Variants in GRM8 observed in about 807,000 individuals in gnomAD.
The protein encoded by GRM8 is metabotropic glutamate receptor 8.
Under a neutral mutation model 87.2 loss-of-function variants are expected in GRM8, and 47 were observed. The ratio of observed to expected loss-of-function variants is 0.54; its 90% confidence interval spans 0.43 to 0.69. The LOEUF is 0.69. GRM8 is among the 30% of genes least tolerant of loss of function. The pLI is 0.00. For synonymous variants in GRM8, 396 were observed against 404.5 expected (o/e 0.98, Z 0.25); for missense variants, 1,019 against 1,139.2 (o/e 0.89, Z 1.52).
chr7:126,797,462 T>C (rs1822085453), intron 6 of GRM8, among the ~76,000 whole-genome samples: 1 of 152,156 alleles, frequency 6.6e-6, no homozygotes, highest in Admixed American at 6.5e-5. Flanking sequence ...AACTCTATTT[T>C]TTTTAAAAAA....
chr7:127,106,813 C>T (rs889425360), intron 2 of GRM8, 101 bp from the exon 3 acceptor site: 5 of 813,306 alleles, frequency 6.1e-6, no homozygotes, highest in African/African-American at 5.1e-5. Context: ...GAAACCTAGA[C>T]ATATCAACCT....
chr7:126,786,098 T>C (rs1250277580), intron 6 of GRM8, among the ~76,000 whole-genome samples: 1 of 152,132 alleles, frequency 6.6e-6, no homozygotes, highest in Non-Finnish European at 1.5e-5. Flanking sequence ...ACAACCTCTT[T>C]TGCTTTCACT....
intron 2 of GRM8, among the ~76,000 whole-genome samples, chr7:127,193,657 G>A (rs775049782): frequency 8.5e-5 from 13 of 152,102 alleles, no homozygotes; most frequent in East Asian, 1.9e-4. Context: ...GGTCAAGAAC[G>A]GTAGCTATGG....
At chr7:127,102,322 C>T (rs1205909432) in intron 3 of GRM8, among the ~76,000 whole-genome samples, 1 of 152,232 alleles carries the variant, frequency 6.6e-6, no homozygotes, top group Admixed American at 6.5e-5. Flanking sequence ...GGCTGTGGAG[C>T]AACCACTTGC....
At chr7:126,824,493 G>T (rs1794587090) in intron 6 of GRM8, among the ~76,000 whole-genome samples, 1 of 152,198 alleles carries the variant, frequency 6.6e-6, no homozygotes, top group South Asian at 2.1e-4. Context: ...TTGACTGGGG[G>T]AAGGGAGCCT....
chr7:126,854,523 T>C (rs1337286192), intron 6 of GRM8, among the ~76,000 whole-genome samples: 3 of 152,192 alleles, frequency 2.0e-5, no homozygotes, highest in African/African-American at 4.8e-5. Flanking sequence ...ACGCAAAATC[T>C]TACATTTCTC....
chr7:127,200,226 T>A (rs1045025043), intron 2 of GRM8, among the ~76,000 whole-genome samples: 1 of 152,180 alleles, frequency 6.6e-6, no homozygotes, highest in Non-Finnish European at 1.5e-5. Flanking sequence ...GATTGACTAA[T>A]TGGACACTCA....
At chr7:126,930,471 C>T (rs1805650306) in intron 3 of GRM8, among the ~76,000 whole-genome samples, 1 of 152,162 alleles carries the variant, frequency 6.6e-6, no homozygotes, top group Non-Finnish European at 1.5e-5. Context: ...GCCGAGTCCT[C>T]CTTCTGACTG....
intron 3 of GRM8, among the ~76,000 whole-genome samples, chr7:126,975,692 T>G (rs1425255912): frequency 6.6e-6 from 1 of 152,166 alleles, no homozygotes; most frequent in Non-Finnish European, 1.5e-5. Context: ...ACAGTTTTAT[T>G]TGGGAGCTCA....
At chr7:126,484,572 C>G (rs73722626) in intron 9 of GRM8, among the ~76,000 whole-genome samples, 2 of 152,008 alleles carry the variant, frequency 1.3e-5, no homozygotes, top group Non-Finnish European at 2.9e-5. Context: ...GTAACTACTA[C>G]TTAAATTACT....
chr7:126,561,271 G>T (rs1474445619), intron 8 of GRM8, among the ~76,000 whole-genome samples: 1 of 152,128 alleles, frequency 6.6e-6, no homozygotes, highest in East Asian at 1.9e-4. Context: ...AGGAGTTTGA[G>T]ACCAGCCTGG....
intron 3 of GRM8, among the ~76,000 whole-genome samples, chr7:127,083,151 A>G (rs1014472257): frequency 1.3e-5 from 2 of 152,226 alleles, no homozygotes; most frequent in Non-Finnish European, 2.9e-5. Flanking sequence ...CACTTAACAG[A>G]ACAAGGTACT....
intron 7 of GRM8, among the ~76,000 whole-genome samples, chr7:126,698,697 T>C (rs1013580023): frequency 4.6e-5 from 7 of 152,172 alleles, no homozygotes. Flanking sequence ...TTGTCTGTCA[T>C]GAATGAATGA....
intron 8 of GRM8, among the ~76,000 whole-genome samples, chr7:126,539,207 T>C (rs1218536288): frequency 2.0e-5 from 3 of 151,516 alleles, no homozygotes; most frequent in Non-Finnish European, 4.4e-5. Context: ...AAAAATAAAA[T>C]ACTTAGTGAT....
At chr7:126,920,659 C>G (rs1804425358) in intron 3 of GRM8, among the ~76,000 whole-genome samples, 1 of 152,120 alleles carries the variant, frequency 6.6e-6, no homozygotes, top group Non-Finnish European at 1.5e-5. Context: ...TCCCTCTGCA[C>G]AGAAGATCAG....
chr7:127,011,922 A>G (rs1251266968), intron 3 of GRM8, among the ~76,000 whole-genome samples: 4 of 152,132 alleles, frequency 2.6e-5, no homozygotes, highest in African/African-American at 9.7e-5. Flanking sequence ...CACACCAAAA[A>G]ACTTGAGCTG....
intron 6 of GRM8, among the ~76,000 whole-genome samples, chr7:126,894,986 TG>T (rs1162659992): frequency 6.6e-6 from 1 of 152,082 alleles, no homozygotes; most frequent in Non-Finnish European, 1.5e-5. Context: ...GAATATTTTT[TG>T]TTTCTGAGAT....
At chr7:126,535,244 C>A (rs1022997273) in intron 8 of GRM8, among the ~76,000 whole-genome samples, 2 of 152,114 alleles carry the variant, frequency 1.3e-5, no homozygotes, top group Non-Finnish European at 2.9e-5. Flanking sequence ...ATAGTATATT[C>A]CAGAAATGAT....
intron 2 of GRM8, among the ~76,000 whole-genome samples, chr7:127,113,683 G>A (rs1232099496): frequency 1.3e-5 from 2 of 152,098 alleles, no homozygotes; most frequent in East Asian, 1.9e-4. Flanking sequence ...CAGTGATGGT[G>A]GTTAGCAACA....
Sources: allele counts gnomAD v4.1 joint callset (sites outside exome capture counted in the v4.1 genomes callset), GRCh38; gene constraint gnomAD v4.1.1; transcripts MANE v1.5; gene names NCBI Gene and HGNC (gene_info 2026-07-23, HGNC 2026-07-21).